RBFOX1: variants seen among roughly 807,000 people sequenced by gnomAD.
The protein encoded by RBFOX1 is RNA binding protein fox-1 homolog 1.
A neutral mutation model predicts 57.7 loss-of-function variants in RBFOX1; 8 were observed. That is an observed-to-expected ratio of 0.14 (90% CI 0.08 to 0.25). RBFOX1 has a LOEUF of 0.25. RBFOX1 is among the 10% of genes least tolerant of loss of function. The probability of loss-of-function intolerance (pLI) is 1.00; values close to 1 mark genes in which losing one functional copy is unlikely to be tolerated. For synonymous variants in RBFOX1, 326 were observed against 222.4 expected (o/e 1.47, Z -4.15); for missense variants, 611 against 548.5 (o/e 1.11, Z -1.14).
At position 7,201,542 on chromosome 16, in the gene RBFOX1, A is replaced by T. The variant is rs546484181; in HGVS notation, c.27+149444A>T. Among the ~76,000 whole-genome samples the T allele has an allele frequency of 1.9e-4, 29 of 151,292 alleles. 1 individual carries two copies. The South Asian group carries it at 5.2e-3, about 27-fold the overall frequency. ...AATGGCACAATCTGGGCTCACTGCA[A>T]CCTCTGCCCCACTGGGTTCAAACGA... On this transcript the variant is annotated intron_variant, in intron 4 of 15. Coordinates refer to ENST00000550418, the MANE Select transcript of RBFOX1 (RefSeq NM_018723.4).
intron 3 of RBFOX1, among the ~76,000 whole-genome samples, chr16:6,839,226 C>G (rs887808048): frequency 3.9e-5 from 6 of 152,012 alleles, no homozygotes; most frequent in Non-Finnish European, 7.4e-5. Context: ...CTCAAGTGAT[C>G]CACCCGCCTC....
chr16:5,548,312 G>T (rs1158035872), intron 2 of RBFOX1, among the ~76,000 whole-genome samples: 3 of 150,452 alleles, frequency 2.0e-5, no homozygotes, highest in Non-Finnish European at 4.4e-5. Flanking sequence ...CATTTGTACT[G>T]CAAACTTCAG....
intron 4 of RBFOX1, among the ~76,000 whole-genome samples, chr16:7,219,448 C>T (rs1420320614): frequency 2.0e-5 from 3 of 152,176 alleles, no homozygotes; most frequent in Non-Finnish European, 4.4e-5. Flanking sequence ...AGAGAACCGT[C>T]GGCTGCTCCA....
At chr16:7,605,337 A>G (rs1047592229) in intron 9 of RBFOX1, among the ~76,000 whole-genome samples, 2 of 152,180 alleles carry the variant, frequency 1.3e-5, no homozygotes, top group African/African-American at 4.8e-5. Context: ...ATGAAATTTC[A>G]GAAACCGCTA....
At chr16:5,578,137 C>T (rs572077310) in intron 2 of RBFOX1, among the ~76,000 whole-genome samples, 17 of 152,114 alleles carry the variant, frequency 1.1e-4, no homozygotes, top group South Asian at 4.2e-4. Flanking sequence ...ATTTTAGTAG[C>T]GACAGGGTTT....
intron 1 of RBFOX1, among the ~76,000 whole-genome samples, chr16:5,411,956 C>T (rs1049445545): frequency 1.3e-5 from 2 of 152,148 alleles, no homozygotes; most frequent in Non-Finnish European, 2.9e-5. Context: ...TTGTTAAACT[C>T]AACAGATCTC....
chr16:6,754,245 G>T (rs928631657), intron 3 of RBFOX1, among the ~76,000 whole-genome samples: 2 of 152,196 alleles, frequency 1.3e-5, no homozygotes, highest in African/African-American at 4.8e-5. Context: ...ATGTTCACCT[G>T]CTTTATTCAG....
intron 3 of RBFOX1, among the ~76,000 whole-genome samples, chr16:5,641,456 G>A (rs1221418279): frequency 7.2e-5 from 11 of 152,234 alleles, no homozygotes; most frequent in Admixed American, 7.2e-4. Context: ...AGAGTGATGG[G>A]AAGCTGCTTA....
At chr16:5,961,239 C>T (rs911305473) in intron 4 of RBFOX1, among the ~76,000 whole-genome samples, 1 of 152,148 alleles carries the variant, frequency 6.6e-6, no homozygotes, top group Non-Finnish European at 1.5e-5. Context: ...CACCACAGAG[C>T]ATGCTGAACA....
chr16:5,856,206 T>C (rs184529174), intron 3 of RBFOX1, among the ~76,000 whole-genome samples: 4,362 of 40,154 alleles, frequency 0.11, 284 homozygotes, highest in Admixed American at 0.21. Context: ...TATATATATA[T>C]ACATATATAT....
intron 4 of RBFOX1, among the ~76,000 whole-genome samples, chr16:7,154,257 G>A (rs2076657510): frequency 6.6e-6 from 1 of 152,182 alleles, no homozygotes; most frequent in South Asian, 2.1e-4. Flanking sequence ...AGGAAGACAT[G>A]GCAGAGATAC....
chr16:7,188,554 C>A (rs1274417466), intron 4 of RBFOX1, among the ~76,000 whole-genome samples: 2 of 152,136 alleles, frequency 1.3e-5, no homozygotes, highest in Non-Finnish European at 2.9e-5. Flanking sequence ...CATCACCCAC[C>A]TCGTTCCCTG....
At chr16:6,638,286 C>T (rs763226699) in intron 2 of RBFOX1, among the ~76,000 whole-genome samples, 1 of 152,092 alleles carries the variant, frequency 6.6e-6, no homozygotes, top group Non-Finnish European at 1.5e-5. Flanking sequence ...TTTTCCTATG[C>T]TCATGTAAGA....
rs141651097 is a variant in RBFOX1, at chr16:5,972,003, C to T, written c.351+104668C>T. On this transcript the variant is annotated intron_variant, in intron 4 of 19. Transcript: ENST00000641259. ...TTGCCTGCCTGACTTCAAACTGGGACGTGTGCTTCTTCCTGCCTTCGGACT... is the reference window on the plus strand; with the variant it reads ...TTGCCTGCCTGACTTCAAACTGGGATGTGTGCTTCTTCCTGCCTTCGGACT... 4.1e-4 allele frequency among the ~76,000 whole-genome samples: 62 copies of T among 152,302 alleles called. 1 individual carries two copies. In the East Asian group the frequency reaches 5.8e-3, roughly 14 times the overall value.
intron 4 of RBFOX1, among the ~76,000 whole-genome samples, chr16:7,169,781 G>A (rs943311540): frequency 6.6e-6 from 1 of 152,092 alleles, no homozygotes; most frequent in Non-Finnish European, 1.5e-5. Flanking sequence ...TTTTAAAAAT[G>A]TATAATTGCA....
chr16:6,116,303 G>A (rs1192012358), intron 1 of RBFOX1, among the ~76,000 whole-genome samples: 1 of 152,152 alleles, frequency 6.6e-6, no homozygotes, highest in Non-Finnish European at 1.5e-5. Flanking sequence ...AGCATTAGAA[G>A]AGATCCCTAA....
chr16:7,531,221 T>C (rs2079987033), intron 5 of RBFOX1, among the ~76,000 whole-genome samples: 1 of 152,094 alleles, frequency 6.6e-6, no homozygotes, highest in African/African-American at 2.4e-5. Flanking sequence ...GAAATGTAAA[T>C]GCCCATTCTG....
chr16:7,713,289 A>C lies in RBFOX1; in HGVS notation c.*2544A>C, dbSNP rs898795693. ...TATCACTTACAGTGGTTTGTGAATAAAGAAAACTGGTTTGTAATATCAAAA... is the reference window on the plus strand; with the variant it reads ...TATCACTTACAGTGGTTTGTGAATACAGAAAACTGGTTTGTAATATCAAAA... On this transcript the variant is annotated 3_prime_UTR_variant, in exon 16 of 16. Coordinates refer to ENST00000550418, the MANE Select transcript of RBFOX1 (RefSeq NM_018723.4). 3 of 152,354 alleles carry C rather than the reference A, an allele frequency of 2.0e-5. No homozygotes were observed. The highest frequency in any genetic ancestry group is 2.9e-5 in the Non-Finnish European group (2 of 68,040). 9.4% of individuals were successfully genotyped at this position (152,354 alleles called of 1,614,324 possible).
At chr16:7,554,346 C>T (rs1021031635) in intron 5 of RBFOX1, among the ~76,000 whole-genome samples, 10 of 152,188 alleles carry the variant, frequency 6.6e-5, no homozygotes, top group Non-Finnish European at 1.3e-4. Flanking sequence ...TACAGCAATC[C>T]TGTGTTTTAT....
Sources: gnomAD v4.1 joint callset for allele counts (sites outside exome capture counted in the v4.1 genomes callset) on GRCh38, gnomAD v4.1.1 for gene constraint, MANE v1.5 for transcripts, NCBI Gene and HGNC (gene_info 2026-07-23, HGNC 2026-07-21) for gene names.